Variants in DISP1 observed in about 807,000 individuals in gnomAD.
The protein encoded by DISP1 is dispatched RND transporter family member 1, also known as protein dispatched homolog 1.
In DISP1, 30 loss-of-function variants were observed where a neutral mutation model predicts 37.3. The ratio of observed to expected loss-of-function variants is 0.80; its 90% confidence interval spans 0.60 to 1.09. The LOEUF is 1.09. Ranked by LOEUF, DISP1 falls within the 50% of genes least tolerant of loss-of-function variation. The probability of loss-of-function intolerance (pLI) is 0.00; values close to 1 mark genes in which losing one functional copy is unlikely to be tolerated. For synonymous variants in DISP1, 634 were observed against 690.2 expected (o/e 0.92, Z 1.28); for missense variants, 1,598 against 1,879.5 (o/e 0.85, Z 2.77).
intron 1 of DISP1, among the ~76,000 whole-genome samples, chr1:222,887,301 T>A (rs1670650682): frequency 6.6e-6 from 1 of 152,174 alleles, no homozygotes; most frequent in Non-Finnish European, 1.5e-5. Flanking sequence ...CCTGCCTGTA[T>A]GTCATCCTTC....
At chr1:222,831,386 C>T (rs72742222) in intron 1 of DISP1, among the ~76,000 whole-genome samples, 30,050 of 151,988 alleles carry the variant, frequency 0.2, 3,047 homozygotes, top group Middle Eastern at 0.3. Context: ...ATCTTAAATT[C>T]AGTAAATTAA....
In DISP1 at chr1:223,002,619, C is replaced by A; in HGVS notation, c.1222C>A (p.Gln408Lys). The A allele has an allele frequency of 6.2e-7, 1 of 1,614,206 alleles. No individual in the cohort carries two copies. Among genetic ancestry groups the A allele is most frequent in the Non-Finnish European group, 8.5e-7 (1 of 1,180,038 alleles). The change falls in exon 9 of 9, where the codon CAG (glutamine) becomes AAG (lysine). Residue 408 changes from glutamine (Q) to lysine (K), a missense_variant. Coordinates refer to ENST00000675850, the MANE Select transcript of DISP1 (RefSeq NM_001377229.1). ...GGACATGGCAGCCAGAAGAAAGGACCAGCTCAAGTGCACCAATGTGCCACG... is the reference window on the plus strand; with the variant it reads ...GGACATGGCAGCCAGAAGAAAGGACAAGCTCAAGTGCACCAATGTGCCACG... ...CWDMAARRKD[Q>K]LKCTNVPRKC...
chr1:222,898,744 T>A (rs144782843), intron 1 of DISP1, among the ~76,000 whole-genome samples: 2 of 152,304 alleles, frequency 1.3e-5, no homozygotes, highest in East Asian at 3.9e-4. Flanking sequence ...TTACTGCACT[T>A]GGTGGGAAGA....
At chr1:222,938,733 T>TAAAAA (rs33948431) in intron 2 of DISP1, among the ~76,000 whole-genome samples, 1 of 57,630 alleles carries the variant, frequency 1.7e-5, no homozygotes, top group African/African-American at 7.2e-5. Context: ...ACCCTGTCTT[T>TAAAAA]AAAAAAAAAA....
At chr1:222,988,324 G>A (rs995381572) in intron 4 of DISP1, among the ~76,000 whole-genome samples, 3 of 152,140 alleles carry the variant, frequency 2.0e-5, no homozygotes, top group Admixed American at 6.6e-5. Context: ...AATGTTTCTA[G>A]TTACTCTTGT....
At chr1:222,818,250 G>C (rs1423048828) in intron 1 of DISP1, among the ~76,000 whole-genome samples, 3 of 152,184 alleles carry the variant, frequency 2.0e-5, no homozygotes, top group Non-Finnish European at 4.4e-5. Context: ...CTGAGGTTTA[G>C]AATTGCCAGC....
At chr1:222,997,025 T>C (rs950592487) in intron 8 of DISP1, among the ~76,000 whole-genome samples, 1 of 149,784 alleles carries the variant, frequency 6.7e-6, no homozygotes, top group Non-Finnish European at 1.5e-5. Flanking sequence ...TCATCTCTCC[T>C]CTCTCTCTGT....
intron 1 of DISP1, among the ~76,000 whole-genome samples, chr1:222,874,833 C>T (rs1401135493): frequency 1.3e-5 from 2 of 152,132 alleles, no homozygotes; most frequent in South Asian, 2.1e-4. Context: ...AGGAGAGGCG[C>T]TCTGATTTTT....
chr1:222,873,120 T>G (rs2125349373), intron 1 of DISP1, among the ~76,000 whole-genome samples: 1 of 152,332 alleles, frequency 6.6e-6, no homozygotes, highest in South Asian at 2.1e-4. Context: ...CTAATTTGAT[T>G]GCACTGTGGT....
At chr1:222,878,563 G>A (rs1248590717) in intron 1 of DISP1, among the ~76,000 whole-genome samples, 1 of 152,116 alleles carries the variant, frequency 6.6e-6, no homozygotes, top group East Asian at 1.9e-4. Context: ...TACTTGTTGA[G>A]GGTTTATTAT....
intron 1 of DISP1, among the ~76,000 whole-genome samples, chr1:222,831,981 G>T (rs936553081): frequency 1.3e-5 from 2 of 151,978 alleles, no homozygotes; most frequent in African/African-American, 4.8e-5. Context: ...AAGTAGAGTG[G>T]GTAAGAATTA....
chr1:222,817,472 C>G (rs1046483640), intron 1 of DISP1, among the ~76,000 whole-genome samples: 1 of 152,172 alleles, frequency 6.6e-6, no homozygotes, highest in Non-Finnish European at 1.5e-5. Context: ...TTATATAGTA[C>G]GTTCTCAATT....
At chr1:222,847,450 G>T (rs1315283441) in intron 1 of DISP1, among the ~76,000 whole-genome samples, 2 of 152,092 alleles carry the variant, frequency 1.3e-5, no homozygotes, top group African/African-American at 2.4e-5. Context: ...CTTATAAGTT[G>T]TATTTACACA....
At chr1:222,919,125 G>T (rs1672663120) in intron 1 of DISP1, among the ~76,000 whole-genome samples, 1 of 152,182 alleles carries the variant, frequency 6.6e-6, no homozygotes, top group East Asian at 1.9e-4. Context: ...CCACCAACCG[G>T]CAATTAAGGG....
intron 2 of DISP1, among the ~76,000 whole-genome samples, chr1:222,936,527 GTC>G (rs201636227): frequency 0.011 from 1,096 of 99,128 alleles, 31 homozygotes; most frequent in African/African-American, 0.022. Flanking sequence ...TGATGGAAAT[GTC>G]TCTCTCTCTC....
chr1:222,937,189 A>G (rs2125477085), intron 2 of DISP1, among the ~76,000 whole-genome samples: 1 of 150,026 alleles, frequency 6.7e-6, no homozygotes, highest in East Asian at 2.0e-4. Flanking sequence ...TCCTGGGTTC[A>G]CGCCATTCTC....
chr1:222,830,416 T>C (rs1665449073), intron 1 of DISP1, among the ~76,000 whole-genome samples: 2 of 151,982 alleles, frequency 1.3e-5, no homozygotes, highest in African/African-American at 4.8e-5. Context: ...CGTCTCGCCC[T>C]GTCACCCAGG....
At chr1:222,856,410 G>A (rs180773562) in intron 1 of DISP1, among the ~76,000 whole-genome samples, 95 of 152,314 alleles carry the variant, frequency 6.2e-4, no homozygotes, top group Admixed American at 1.2e-3. Context: ...GTGATAATGT[G>A]CCTGAGATTC....
At chr1:222,854,336 A>G (rs969815781) in intron 1 of DISP1, among the ~76,000 whole-genome samples, 10 of 152,096 alleles carry the variant, frequency 6.6e-5, no homozygotes, top group Admixed American at 6.6e-4. Flanking sequence ...ACTTACAATC[A>G]TGGCGGAAGG....
Sources: allele counts gnomAD v4.1 joint callset (sites outside exome capture counted in the v4.1 genomes callset), GRCh38; gene constraint gnomAD v4.1.1; transcripts MANE v1.5; gene names NCBI Gene and HGNC (gene_info 2026-07-23, HGNC 2026-07-21).